OTC: variants seen among roughly 807,000 people sequenced by gnomAD.
OTC encodes the protein ornithine transcarbamylase.
OTC carries 3 observed loss-of-function variants against 30.3 expected under a neutral mutation model. That is an observed-to-expected ratio of 0.10 (90% CI 0.05 to 0.26). The LOEUF (loss-of-function observed/expected upper bound fraction) is 0.26. OTC is among the 10% of genes least tolerant of loss of function. OTC has a pLI of 1.00. For missense variants in OTC, 194 were observed against 260.3 expected, an observed-to-expected ratio of 0.75 and a Z score of 1.75; for synonymous variants, 111 against 99.7, an observed-to-expected ratio of 1.11 and a Z score of -0.67.
At chrX:38,337,644 C>T in the OTC span, among the ~76,000 whole-genome samples, 3 of 111,939 alleles carry the variant, frequency 2.7e-5, no homozygotes, top group Non-Finnish European at 3.8e-5. Flanking sequence ...TATAGATGCT[C>T]GACCTACAGT....
rs749253591 is a variant in OTC at position 38,378,615 on chromosome X, A to C, written c.299-2727A>C. On this transcript the variant is annotated intron_variant, in intron 3 of 9. Transcript: ENST00000039007. The stretch of plus-strand genomic sequence containing the variant: ...GTATCTTGTTTACAATGCTTTCTTC[A>C]GTGCCTAGAACAGCACCAGGCACAT... Among the ~76,000 whole-genome samples the C allele has an allele frequency of 3.6e-5, 4 of 112,097 alleles. No homozygotes were observed. In the East Asian group the frequency reaches 1.1e-3, roughly 32 times the overall value.
intron 4 of OTC, among the ~76,000 whole-genome samples, chrX:38,386,758 G>A (rs763480201): frequency 1.8e-5 from 2 of 112,261 alleles, no homozygotes; most frequent in East Asian, 5.6e-4. Flanking sequence ...GTGCTGCAAG[G>A]AACACAATAA....
At chrX:38,366,276 GT>G (rs934661884) in intron 1 of OTC, among the ~76,000 whole-genome samples, 1 of 111,532 alleles carries the variant, frequency 9.0e-6, no homozygotes, top group Non-Finnish European at 1.9e-5. Context: ...ATTTCTTAAG[GT>G]TTTTTTAAAA....
At position 38,369,790 on chromosome X, in the gene OTC, T is replaced by TTATA. The variant is rs759829103; in HGVS notation, c.217-5_217-2dup. The TTATA allele has an allele frequency of 4.9e-5, 54 of 1,092,564 alleles. No individual in the cohort carries two copies. The highest frequency in any genetic ancestry group is 6.3e-5 in the Non-Finnish European group (50 of 790,126). The allele number at this position is 1,092,564 out of a possible 1,213,427, so 90.0% of individuals were successfully genotyped here. ...TTTTAATTCTATTCTTGTCCTTGAT[T>TTATA]TATAGTATTTGCCTTTATTGCAAGG... On this transcript the variant is annotated splice_polypyrimidine_tract_variant and splice_region_variant and intron_variant, in intron 2 of 9. Transcript: ENST00000039007.
At chrX:38,416,446 A>G (rs2147348373) in intron 9 of OTC, among the ~76,000 whole-genome samples, 2 of 112,056 alleles carry the variant, frequency 1.8e-5, no homozygotes, top group African/African-American at 6.5e-5. Context: ...CCCTCTGCCT[A>G]TAAATTTTAC....
At chrX:38,407,596 A>T (rs1215224434) in intron 6 of OTC, among the ~76,000 whole-genome samples, 1 of 111,292 alleles carries the variant, frequency 9.0e-6, no homozygotes, top group Non-Finnish European at 1.9e-5. Flanking sequence ...TGAGGAGCTG[A>T]CACATTGTGA....
At chrX:38,333,802 T>G in the OTC span, among the ~76,000 whole-genome samples, 17 of 112,733 alleles carry the variant, frequency 1.5e-4, no homozygotes, top group Non-Finnish European at 3.0e-4. Context: ...TTTCTCTATA[T>G]GGAATCAGAT....
intron 4 of OTC, among the ~76,000 whole-genome samples, chrX:38,397,386 A>G (rs2068463103): frequency 8.9e-6 from 1 of 112,004 alleles, no homozygotes; most frequent in African/African-American, 3.2e-5. Context: ...GCAAGAACAA[A>G]ATGTTACAGA....
At chrX:38,408,521 C>T (rs982931183) in intron 6 of OTC, among the ~76,000 whole-genome samples, 2 of 111,311 alleles carry the variant, frequency 1.8e-5, no homozygotes, top group African/African-American at 6.5e-5. Context: ...TTAAAGAAGT[C>T]GGAGATAGTG....
intron 9 of OTC, among the ~76,000 whole-genome samples, chrX:38,415,227 C>A (rs2068564606): frequency 2.8e-5 from 3 of 108,651 alleles, no homozygotes; most frequent in South Asian, 4.2e-4. Flanking sequence ...TACAGGTGCC[C>A]GCCACTGTGC....
At chrX:38,349,140 G>A (rs763582571), upstream of OTC, among the ~76,000 whole-genome samples, 8 of 111,614 alleles carry the variant, frequency 7.2e-5, no homozygotes, top group South Asian at 3.9e-4. Context: ...AGGGGTTTGG[G>A]TTCAAGTAGT....
At chrX:38,400,113 A>C (rs923920978) in intron 4 of OTC, among the ~76,000 whole-genome samples, 3 of 111,898 alleles carry the variant, frequency 2.7e-5, no homozygotes, top group African/African-American at 9.8e-5. Context: ...AAATTAAGGT[A>C]GTAACATTAT....
intron 4 of OTC, among the ~76,000 whole-genome samples, chrX:38,396,124 T>TC (rs941544995): frequency 4.6e-5 from 5 of 107,608 alleles, no homozygotes; most frequent in Admixed American, 4.0e-4. Context: ...GGCTAATTTT[T>TC]TTTTTTTTTG....
At chrX:38,400,504 G>T (rs1030969192) in intron 4 of OTC, among the ~76,000 whole-genome samples, 2 of 110,749 alleles carry the variant, frequency 1.8e-5, no homozygotes, top group Admixed American at 1.9e-4. Context: ...GCAGGAGTGG[G>T]CAAGAGGGCC....
At chrX:38,364,447 A>T (rs189346910) in intron 1 of OTC, among the ~76,000 whole-genome samples, 23 of 112,166 alleles carry the variant, frequency 2.1e-4, no homozygotes, top group Non-Finnish European at 3.8e-4. Context: ...ATATAAGCTG[A>T]AAACAGTAAT....
chrX:38,363,317 C>T (rs10521414), intron 1 of OTC, among the ~76,000 whole-genome samples: 45,659 of 110,796 alleles, frequency 0.41, 7,209 homozygotes, highest in Middle Eastern at 0.55. Flanking sequence ...CAAGGAATAT[C>T]AATGTGTTAT....
chrX:38,346,033 T>A, the OTC span, among the ~76,000 whole-genome samples: 2 of 111,714 alleles, frequency 1.8e-5, no homozygotes, highest in African/African-American at 6.5e-5. Context: ...CTCGGTTAAG[T>A]TAGATCTCTT....
chrX:38,335,197 T>A, the OTC span, among the ~76,000 whole-genome samples: 2 of 112,096 alleles, frequency 1.8e-5, no homozygotes, highest in Non-Finnish European at 3.8e-5. Flanking sequence ...GCTTTATCAC[T>A]TACTACTTTA....
At chrX:38,359,238 A>G (rs1302913751) in intron 1 of OTC, among the ~76,000 whole-genome samples, 1 of 111,035 alleles carries the variant, frequency 9.0e-6, no homozygotes, top group Non-Finnish European at 1.9e-5. Context: ...CTCTTGTTTC[A>G]CATACATATG....
Sources: allele counts gnomAD v4.1 joint callset (sites outside exome capture counted in the v4.1 genomes callset), GRCh38; gene constraint gnomAD v4.1.1; transcripts MANE v1.5; gene names NCBI Gene and HGNC (gene_info 2026-07-23, HGNC 2026-07-21).